REC114: variants seen among roughly 807,000 people sequenced by gnomAD.
The protein encoded by REC114 is REC114 meiotic recombination protein, also known as meiotic recombination protein REC114.
A neutral mutation model predicts 31.3 loss-of-function variants in REC114; 27 were observed. That is an observed-to-expected ratio of 0.86 (90% CI 0.64 to 1.19). The LOEUF is 1.19. REC114 is among the 50% of genes most tolerant of loss of function. The pLI is 0.00. For missense variants in REC114, 344 were observed against 326.9 expected, an observed-to-expected ratio of 1.05 and a Z score of -0.40; for synonymous variants, 134 against 127.7, an observed-to-expected ratio of 1.05 and a Z score of -0.33.
intron 2 of REC114, among the ~76,000 whole-genome samples, chr15:73,504,071 A>G (rs1374906414): frequency 7.5e-6 from 1 of 132,516 alleles, no homozygotes; most frequent in African/African-American, 2.9e-5. Flanking sequence ...CAGTGGTGCA[A>G]TCTTGGCTCA....
intron 2 of REC114, among the ~76,000 whole-genome samples, chr15:73,486,420 C>A (rs1239263105): frequency 6.6e-6 from 1 of 152,138 alleles, no homozygotes; most frequent in East Asian, 1.9e-4. Flanking sequence ...ATCTTCCTGG[C>A]TTTTCAGCTC....
At chr15:73,492,656 T>C (rs1893462078) in intron 2 of REC114, among the ~76,000 whole-genome samples, 1 of 152,222 alleles carries the variant, frequency 6.6e-6, no homozygotes, top group South Asian at 2.1e-4. Context: ...TGATGCCGAT[T>C]ATACTCATCT....
intron 1 of REC114, among the ~76,000 whole-genome samples, chr15:73,447,151 C>T (rs1892776050): frequency 6.6e-6 from 1 of 152,026 alleles, no homozygotes; most frequent in Admixed American, 6.6e-5. Flanking sequence ...GGAGGAGGAA[C>T]AGTGAGGGAA....
rs776861436 is a variant in REC114 at position 73,559,964 on chromosome 15, G to C, written c.*48G>C. 2 of 1,448,398 alleles carry C rather than the reference G, an allele frequency of 1.4e-6. No individual in the cohort carries two copies. The highest frequency in any genetic ancestry group is 1.9e-6 in the Non-Finnish European group (2 of 1,079,420). 89.7% of individuals were successfully genotyped at this position (1,448,398 alleles called of 1,614,324 possible). A position where few individuals can be genotyped will look rare whatever the true frequency, so the allele number is the denominator to read the frequency against. ...AAGGAACTTCAAAGTATTGAAAAATGCTTCCTCCTAAAATTAAAGAAGATA... is the reference window on the plus strand; with the variant it reads ...AAGGAACTTCAAAGTATTGAAAAATCCTTCCTCCTAAAATTAAAGAAGATA... On this transcript the variant is annotated 3_prime_UTR_variant, in exon 6 of 6. Transcript: ENST00000331090.
chr15:73,497,652 T>C (rs1893547555), intron 2 of REC114, among the ~76,000 whole-genome samples: 2 of 152,370 alleles, frequency 1.3e-5, no homozygotes, highest in South Asian at 4.1e-4. Context: ...AATAGATTTG[T>C]AAACTATAGA....
intron 2 of REC114, among the ~76,000 whole-genome samples, chr15:73,481,381 A>T: frequency 6.6e-6 from 1 of 152,098 alleles, no homozygotes. Context: ...TAGCACCTGC[A>T]TTCAACTGGG....
At chr15:73,484,539 A>G (rs1294604938) in intron 2 of REC114, among the ~76,000 whole-genome samples, 1 of 152,212 alleles carries the variant, frequency 6.6e-6, no homozygotes, top group African/African-American at 2.4e-5. Flanking sequence ...ATTTAAAAAC[A>G]CATTCTCTTA....
chr15:73,475,570 G>A (rs1893199943), intron 2 of REC114, among the ~76,000 whole-genome samples: 1 of 152,024 alleles, frequency 6.6e-6, no homozygotes, highest in Admixed American at 6.6e-5. Flanking sequence ...AAAAAATATT[G>A]TATATGTTTT....
rs531047641 is a variant in REC114, at chr15:73,530,595, T to A, written c.250-9890T>A. The stretch of plus-strand genomic sequence containing the variant: ...CCCAGGAGATCAAGGCTGCAGTGAG[T>A]TATCATCGTACCACTGCACTCCATC... On this transcript the variant is annotated intron_variant, in intron 2 of 5. Transcript: ENST00000331090. Among the ~76,000 whole-genome samples the A allele has an allele frequency of 3.3e-4, 50 of 152,228 alleles. 1 individual carries two copies. Among genetic ancestry groups the A allele is most frequent in the Admixed American group, 2.2e-3 (33 of 15,290 alleles).
chr15:73,480,916 G>T lies in REC114; in HGVS notation c.249+6995G>T, dbSNP rs577855247. Among the ~76,000 whole-genome samples, 4 of 152,138 alleles carry T rather than the reference G, an allele frequency of 2.6e-5. No homozygotes were observed. The South Asian group carries it at 8.3e-4, about 32-fold the overall frequency. ...TGGTCTCGAACTCCTGACCTCAGGTGATTCACCCACCTTGGCCTCCCAAAG... is the reference window on the plus strand; with the variant it reads ...TGGTCTCGAACTCCTGACCTCAGGTTATTCACCCACCTTGGCCTCCCAAAG... On this transcript the variant is annotated intron_variant, in intron 2 of 5. Transcript: ENST00000331090.
At chr15:73,540,639 A>T (rs1379669041) in intron 3 of REC114, 71 bp downstream of exon 3, 7 of 1,297,178 alleles carry the variant, frequency 5.4e-6, no homozygotes, top group Non-Finnish European at 7.8e-6. Context: ...ATTTGGGGGC[A>T]TCTCTTGGTA....
chr15:73,543,725 TTAAC>T (rs944021131), intron 3 of REC114, among the ~76,000 whole-genome samples: 31 of 152,158 alleles, frequency 2.0e-4, no homozygotes, highest in Admixed American at 1.8e-3. Context: ...TAAACTTTTA[TTAAC>T]TGTTTTTTAA....
At chr15:73,513,460 C>A (rs1893806685) in intron 2 of REC114, among the ~76,000 whole-genome samples, 1 of 148,942 alleles carries the variant, frequency 6.7e-6, no homozygotes, top group Non-Finnish European at 1.5e-5. Flanking sequence ...AAGTCATTCT[C>A]CATCCAGCTT....
rs1892949252 is a variant in REC114, at chr15:73,458,639, G to A, written c.160-15193G>A. Reference sequence around the variant, plus strand: ...TGAGGCTCCTTCTTTGTTCTCTGCTGTGCATGGCCATGGTCTCACAGTCTG... The same window carrying A: ...TGAGGCTCCTTCTTTGTTCTCTGCTATGCATGGCCATGGTCTCACAGTCTG... On this transcript the variant is annotated intron_variant, in intron 1 of 5. Coordinates refer to ENST00000331090, the MANE Select transcript of REC114 (RefSeq NM_001042367.2). 1.3e-5 allele frequency among the ~76,000 whole-genome samples: 2 copies of A among 152,334 alleles called. 1 individual carries two copies. The highest frequency in any genetic ancestry group is 4.1e-4 in the South Asian group (2 of 4,830).
In REC114 at chr15:73,510,856, TG is replaced by T. The variant is rs1893753996; in HGVS notation, c.250-29628del. On this transcript the variant is annotated intron_variant, in intron 2 of 5. Transcript: ENST00000331090. ...TGGATTCGTTTTGCCAGTATTTTAT[TG>T]AGGATTTTTGCATCAATGTTCATCA... is the stretch of plus-strand genomic sequence containing the variant. 9.9e-5 allele frequency among the ~76,000 whole-genome samples: 15 copies of T among 152,210 alleles called. No homozygotes were observed. The South Asian group carries it at 2.9e-3, about 30-fold the overall frequency.
intron 2 of REC114, among the ~76,000 whole-genome samples, chr15:73,500,079 C>G (rs943889251): frequency 4.9e-4 from 75 of 152,192 alleles, no homozygotes; most frequent in African/African-American, 1.8e-3. Flanking sequence ...CATGACCTCT[C>G]TAAGCAAAGT....
chr15:73,443,887 A>G (rs1443496483), intron 1 of REC114, among the ~76,000 whole-genome samples: 1 of 152,214 alleles, frequency 6.6e-6, no homozygotes, highest in African/African-American at 2.4e-5. Flanking sequence ...AGATAATAAT[A>G]TAATAGTACA....
intron 2 of REC114, among the ~76,000 whole-genome samples, chr15:73,539,490 C>T (rs1166367093): frequency 7.6e-6 from 1 of 131,066 alleles, no homozygotes; most frequent in South Asian, 2.5e-4. Context: ...TTAAGGAAAG[C>T]ATCAAAGAAT....
chr15:73,541,811 T>C (rs1482164029), intron 3 of REC114, among the ~76,000 whole-genome samples: 1 of 152,204 alleles, frequency 6.6e-6, no homozygotes, highest in African/African-American at 2.4e-5. Flanking sequence ...TGTTTGATAC[T>C]TGAGTTTTAA....
Sources: gnomAD v4.1 joint callset for allele counts (sites outside exome capture counted in the v4.1 genomes callset) on GRCh38, gnomAD v4.1.1 for gene constraint, MANE v1.5 for transcripts, NCBI Gene and HGNC (gene_info 2026-07-23, HGNC 2026-07-21) for gene names.